The following LGSN variants were observed in gnomAD, a reference collection of about 807,000 sequenced individuals.
LGSN encodes the protein lengsin, lens protein with glutamine synthetase domain.
LGSN carries 21 observed loss-of-function variants against 19.5 expected under a neutral mutation model. The observed-to-expected ratio is 1.07, with a 90% CI of 0.76 to 1.55. The LOEUF (loss-of-function observed/expected upper bound fraction) is 1.55, where lower values mean the gene tolerates loss of function less well. Ranked by LOEUF, LGSN falls within the 40% of genes most tolerant of loss-of-function variation. LGSN has a pLI of 0.00. For missense variants in LGSN, 673 were observed against 608.5 expected, an observed-to-expected ratio of 1.11 and a Z score of -1.12; for synonymous variants, 257 against 215.6, an observed-to-expected ratio of 1.19 and a Z score of -1.68.
the LGSN span, among the ~76,000 whole-genome samples, chr6:63,354,678 C>T: frequency 2.0e-5 from 3 of 152,156 alleles, no homozygotes; most frequent in Non-Finnish European, 4.4e-5. Context: ...GAAGAGACAT[C>T]TGCGCTCACA....
chr6:63,547,814 G>C, the LGSN span, among the ~76,000 whole-genome samples: 1 of 152,024 alleles, frequency 6.6e-6, no homozygotes, highest in African/African-American at 2.4e-5. Flanking sequence ...CCCGGCCCAG[G>C]GGGGGATTTG....
the LGSN span, among the ~76,000 whole-genome samples, chr6:63,553,732 A>T: frequency 6.6e-6 from 1 of 152,202 alleles, no homozygotes; most frequent in African/African-American, 2.4e-5. Flanking sequence ...AAGGTAAATT[A>T]TGATTTAAAA....
At chr6:63,388,040 G>GTT in the LGSN span, among the ~76,000 whole-genome samples, 21 of 129,412 alleles carry the variant, frequency 1.6e-4, no homozygotes, top group African/African-American at 4.5e-4. Context: ...TAATTTTTTT[G>GTT]TTTTTTTTTT....
the LGSN span, among the ~76,000 whole-genome samples, chr6:63,536,249 G>A: frequency 6.6e-6 from 1 of 152,112 alleles, no homozygotes; most frequent in African/African-American, 2.4e-5. Context: ...AGAATCGCTC[G>A]AACCTGGGAG....
At chr6:63,328,577 T>A in the LGSN span, among the ~76,000 whole-genome samples, 4 of 152,218 alleles carry the variant, frequency 2.6e-5, no homozygotes, top group East Asian at 1.9e-4. Context: ...CCTTAAACAG[T>A]GAGGCCAGCC....
At chr6:63,452,872 T>C in the LGSN span, among the ~76,000 whole-genome samples, 8 of 152,118 alleles carry the variant, frequency 5.3e-5, no homozygotes, top group South Asian at 8.3e-4. Context: ...TATGTTAAGA[T>C]TGAAGCTTGG....
At chr6:63,558,339 A>C in the LGSN span, among the ~76,000 whole-genome samples, 3 of 152,152 alleles carry the variant, frequency 2.0e-5, no homozygotes, top group Admixed American at 1.3e-4. Context: ...AAATGAACAA[A>C]TAAGGCTTTT....
the LGSN span, among the ~76,000 whole-genome samples, chr6:63,481,481 T>G: frequency 6.6e-6 from 1 of 151,788 alleles, no homozygotes; most frequent in African/African-American, 2.4e-5. Context: ...TAGCTGGGGC[T>G]ACAGGCGCAT....
At chr6:63,433,216 T>G in the LGSN span, among the ~76,000 whole-genome samples, 1 of 152,162 alleles carries the variant, frequency 6.6e-6, no homozygotes, top group African/African-American at 2.4e-5. Context: ...ATAATAATAA[T>G]CAGCCTCTGT....
the LGSN span, among the ~76,000 whole-genome samples, chr6:63,565,177 TA>T: frequency 6.6e-6 from 1 of 151,932 alleles, no homozygotes; most frequent in Non-Finnish European, 1.5e-5. Flanking sequence ...CATGCCCAGA[TA>T]ATTTTTTTTT....
At chr6:63,289,017 T>A (rs996164598) in intron 2 of LGSN, among the ~76,000 whole-genome samples, 1 of 152,222 alleles carries the variant, frequency 6.6e-6, no homozygotes, top group Non-Finnish European at 1.5e-5. Flanking sequence ...AGTGTCCAAA[T>A]TGGCACCTGC....
chr6:63,333,777 C>G, the LGSN span, among the ~76,000 whole-genome samples: 2 of 152,102 alleles, frequency 1.3e-5, no homozygotes, highest in Non-Finnish European at 2.9e-5. Flanking sequence ...AGATAAGACA[C>G]TATAATCAAG....
At chr6:63,444,995 T>C in the LGSN span, among the ~76,000 whole-genome samples, 1 of 152,128 alleles carries the variant, frequency 6.6e-6, no homozygotes, top group Non-Finnish European at 1.5e-5. Flanking sequence ...AAAAGTGCCA[T>C]TTGCAGGGCA....
At chr6:63,352,688 C>G in the LGSN span, among the ~76,000 whole-genome samples, 1 of 151,898 alleles carries the variant, frequency 6.6e-6, no homozygotes, top group Non-Finnish European at 1.5e-5. Context: ...CACAGACACA[C>G]ACACACACAC....
At chr6:63,506,170 TAAATA>T in the LGSN span, among the ~76,000 whole-genome samples, 2 of 152,210 alleles carry the variant, frequency 1.3e-5, no homozygotes, top group Non-Finnish European at 2.9e-5. Flanking sequence ...TGGGTAGTTT[TAAATA>T]AAATAAAAAT....
chr6:63,572,413 C>T, the LGSN span: 4 of 353,394 alleles, frequency 1.1e-5, no homozygotes, highest in Non-Finnish European at 2.0e-5. Context: ...GGTTCCAGGC[C>T]GCGATTGGTG....
chr6:63,401,105 C>T, the LGSN span, among the ~76,000 whole-genome samples: 7 of 152,016 alleles, frequency 4.6e-5, no homozygotes, highest in South Asian at 2.1e-4. Flanking sequence ...TTTTTCTATA[C>T]CTATGTCCTT....
chr6:63,424,553 A>C, the LGSN span, among the ~76,000 whole-genome samples: 2 of 150,392 alleles, frequency 1.3e-5, no homozygotes, highest in Non-Finnish European at 2.9e-5. Flanking sequence ...AAAACAGTGA[A>C]ATCTATAAAC....
chr6:63,285,793 G>A (rs763290803), intron 2 of LGSN, 40 bp from the exon 3 acceptor site: 1 of 1,548,232 alleles, frequency 6.5e-7, no homozygotes, highest in Non-Finnish European at 8.9e-7. Flanking sequence ...ACGAGATCAT[G>A]ATGGACTGAG....
Sources: allele counts gnomAD v4.1 joint callset (sites outside exome capture counted in the v4.1 genomes callset), GRCh38; gene constraint gnomAD v4.1.1; transcripts MANE v1.5; gene names NCBI Gene and HGNC (gene_info 2026-07-23, HGNC 2026-07-21).